Variants in PPM1B observed in about 807,000 individuals in gnomAD.
The protein encoded by PPM1B is protein phosphatase, Mg2+/Mn2+ dependent 1B.
PPM1B carries 22 observed loss-of-function variants against 43.0 expected under a neutral mutation model. The observed-to-expected ratio is 0.51, with a 90% CI of 0.37 to 0.73. The LOEUF is 0.73. PPM1B is among the 30% of genes least tolerant of loss of function. The pLI is 0.00. For synonymous variants in PPM1B, 217 were observed against 197.9 expected (o/e 1.10, Z -0.81); for missense variants, 632 against 584.2 (o/e 1.08, Z -0.84).
intron 1 of PPM1B, among the ~76,000 whole-genome samples, chr2:44,198,209 AG>A (rs573101587): frequency 7.2e-5 from 11 of 152,178 alleles, no homozygotes; most frequent in South Asian, 6.2e-4. Flanking sequence ...TGCCCAGGCT[AG>A]AGTACAGTGG....
Position 44,201,401 on chromosome 2 carries a change from G to A in PPM1B, c.202G>A (p.Ala68Thr). ...TGATGGTCATGCTGGATCCCGAGTG[G>A]CAAATTACTGCTCAACACATTTATT... ...VYDGHAGSRV[A>T]NYCSTHLLEH... Residue 68 changes from alanine to threonine, a missense_variant, in exon 2 of 6, where the codon GCA becomes ACA. Ala to Thr is a moderately conservative substitution (Grantham distance 58). Coordinates refer to ENST00000282412, the MANE Select transcript of PPM1B (RefSeq NM_002706.6). This position sits in a 1 kb window ranked among gnomAD's most constrained non-coding sequence, Gnocchi z 5.4. 1 of 1,614,100 alleles carries A rather than the reference G, an allele frequency of 6.2e-7. No homozygotes were observed. The highest frequency in any genetic ancestry group is 8.5e-7 in the Non-Finnish European group (1 of 1,179,988).
At chr2:44,178,623 C>T (rs1470025478) in intron 1 of PPM1B, among the ~76,000 whole-genome samples, 2 of 152,006 alleles carry the variant, frequency 1.3e-5, no homozygotes, top group African/African-American at 2.4e-5. Context: ...CACCTGCCAC[C>T]ACACCCAGCT....
chr2:44,215,964 G>C (rs545860179), intron 3 of PPM1B, among the ~76,000 whole-genome samples: 26 of 152,282 alleles, frequency 1.7e-4, no homozygotes, highest in Middle Eastern at 3.4e-3. Context: ...AGGAGGGAAT[G>C]TTCTTAGTGA....
chr2:44,239,179 C>CAA (rs1193340508), downstream of PPM1B, among the ~76,000 whole-genome samples: 175 of 89,594 alleles, frequency 2.0e-3, no homozygotes, highest in East Asian at 3.4e-3. Context: ...GTCTCTAATA[C>CAA]AAAAAAAAAA....
exon 6 of PPM1B, chr2:44,244,261 G>A (rs754832722): frequency 7.4e-7 from 1 of 1,357,282 alleles, no homozygotes; most frequent in Non-Finnish European, 9.8e-7. Context: ...CTGTAAACCT[G>A]CTGAGAGCTC....
At chr2:44,230,045 C>T (rs960258664) in intron 5 of PPM1B, 1 of 1,573,194 alleles carries the variant, frequency 6.4e-7, no homozygotes, top group South Asian at 1.2e-5. Context: ...CCTTTTCCTA[C>T]TGCTTTAAAC....
chr2:44,193,518 C>T (rs1029764049), intron 1 of PPM1B, among the ~76,000 whole-genome samples: 1 of 151,808 alleles, frequency 6.6e-6, no homozygotes, highest in Non-Finnish European at 1.5e-5. Context: ...TGTAGCTTCC[C>T]TAGTAGCTAG....
intron 2 of PPM1B, among the ~76,000 whole-genome samples, chr2:44,202,764 G>T (rs1304763185): frequency 6.6e-6 from 1 of 152,074 alleles, no homozygotes; most frequent in South Asian, 2.1e-4. Context: ...TTGTAATTTT[G>T]TATGAATCAT....
intron 1 of PPM1B, among the ~76,000 whole-genome samples, chr2:44,188,713 GCTTTCCTTCCTTCCTTCCTTCCTT>G (rs772685052): frequency 0.021 from 3,115 of 148,688 alleles, 48 homozygotes; most frequent in Non-Finnish European, 0.029. Flanking sequence ...CTGCCTGCCT[GCTTTCCTTCCTTCCTTCCTTCCTT>G]CTTTCCTTCC....
chr2:44,178,318 G>A (rs751903428), intron 1 of PPM1B, among the ~76,000 whole-genome samples: 1 of 151,526 alleles, frequency 6.6e-6, no homozygotes. Context: ...ATATATATGC[G>A]AGAATTTCTC....
Position 44,231,184 on chromosome 2 carries a change from A to G in PPM1B, c.*466A>G, listed in dbSNP as rs2104278629. 1 of 983,588 alleles carries G rather than the reference A, an allele frequency of 1.0e-6. No individual in the cohort carries two copies. The highest frequency in any genetic ancestry group is 1.1e-4 in the East Asian group (1 of 8,812). 60.9% of individuals were successfully genotyped at this position (983,588 alleles called of 1,614,324 possible). A position where few individuals can be genotyped will look rare whatever the true frequency, so the allele number is the denominator to read the frequency against. On this transcript the variant is annotated 3_prime_UTR_variant, in exon 6 of 6. Transcript: ENST00000282412. ...AAAGAATGGCTGATGCTGGCCTGTA[A>G]TTTTTCTTTCAAGGATGATAATTTG...
chr2:44,212,869 T>A (rs1161106128), intron 3 of PPM1B, among the ~76,000 whole-genome samples: 1 of 151,922 alleles, frequency 6.6e-6, no homozygotes, highest in Non-Finnish European at 1.5e-5. Context: ...AGAAATTAGC[T>A]GGGCGTGGTG....
chr2:44,198,450 C>G (rs538281962), intron 1 of PPM1B, among the ~76,000 whole-genome samples: 1 of 152,286 alleles, frequency 6.6e-6, no homozygotes, highest in South Asian at 2.1e-4. Context: ...CATGAGCCAC[C>G]GCACCCAGCC....
chr2:44,241,376 A>C (rs549054596), intron 5 of PPM1B, among the ~76,000 whole-genome samples: 1 of 144,826 alleles, frequency 6.9e-6, no homozygotes, highest in Non-Finnish European at 1.5e-5. Context: ...GTCATATCTC[A>C]ATTCACAATT....
At chr2:44,208,899 A>G (rs1447275979) in intron 2 of PPM1B, among the ~76,000 whole-genome samples, 3 of 152,194 alleles carry the variant, frequency 2.0e-5, no homozygotes, top group African/African-American at 4.8e-5. Flanking sequence ...GGGAATAGAC[A>G]ATCTTGAGTG....
downstream of PPM1B, among the ~76,000 whole-genome samples, chr2:44,237,959 G>A (rs76394108): frequency 0.022 from 3,378 of 152,294 alleles, 236 homozygotes; most frequent in East Asian, 0.25. Flanking sequence ...GGAGTGCAAT[G>A]GCACGATCTC....
At chr2:44,221,873 T>C (rs987323049) in intron 5 of PPM1B, among the ~76,000 whole-genome samples, 14 of 152,252 alleles carry the variant, frequency 9.2e-5, no homozygotes, top group African/African-American at 3.4e-4. Context: ...AGGGGAAACT[T>C]CTTAAGTTCT....
chr2:44,223,865 A>C (rs71420086), intron 5 of PPM1B, among the ~76,000 whole-genome samples: 1 of 150,004 alleles, frequency 6.7e-6, no homozygotes, highest in Non-Finnish European at 1.5e-5. Flanking sequence ...GAGAAAATGC[A>C]CTAACATTAG....
At chr2:44,173,800 C>G (rs556441965) in intron 1 of PPM1B, among the ~76,000 whole-genome samples, 2 of 151,998 alleles carry the variant, frequency 1.3e-5, no homozygotes, top group South Asian at 4.1e-4. Flanking sequence ...AAAAATTAGC[C>G]GGGTGTGGTG....
Sources: gnomAD v4.1 joint callset for allele counts (sites outside exome capture counted in the v4.1 genomes callset) on GRCh38, gnomAD v4.1.1 for gene constraint, Gnocchi (gnomAD v3.1) non-coding constraint, MANE v1.5 for transcripts, NCBI Gene and HGNC (gene_info 2026-07-23, HGNC 2026-07-21) for gene names.